Variants in FRMD4B observed in about 807,000 individuals in gnomAD.
FRMD4B encodes the protein FERM domain-containing protein 4B.
FRMD4B carries 74 observed loss-of-function variants against 141.5 expected under a neutral mutation model. The observed-to-expected ratio is 0.52, with a 90% confidence interval of 0.43 to 0.63. The LOEUF (loss-of-function observed/expected upper bound fraction) is 0.63. Ranked by LOEUF, FRMD4B falls within the 30% of genes least tolerant of loss-of-function variation. The pLI, the probability that FRMD4B is intolerant of heterozygous loss-of-function variation, is 0.00. For synonymous variants in FRMD4B, 506 were observed against 467.9 expected (o/e 1.08, Z -1.05); for missense variants, 1,366 against 1,253.4 (o/e 1.09, Z -1.36).
At chr3:69,411,667 T>G (rs886341223) in intron 2 of FRMD4B, among the ~76,000 whole-genome samples, 3 of 152,226 alleles carry the variant, frequency 2.0e-5, no homozygotes, top group Non-Finnish European at 2.9e-5. Context: ...AGGGAAACTT[T>G]TAAGAAGTTC....
intron 2 of FRMD4B, among the ~76,000 whole-genome samples, chr3:69,398,957 T>C (rs1210458513): frequency 1.3e-5 from 2 of 151,978 alleles, no homozygotes; most frequent in Non-Finnish European, 1.5e-5. Flanking sequence ...GGCAATACAA[T>C]GACAGCAAAA....
At chr3:69,393,456 T>C (rs909706873) in intron 2 of FRMD4B, among the ~76,000 whole-genome samples, 1 of 152,190 alleles carries the variant, frequency 6.6e-6, no homozygotes, top group African/African-American at 2.4e-5. Context: ...TGTCTAGATG[T>C]AAAAGCATCC....
intron 2 of FRMD4B, among the ~76,000 whole-genome samples, chr3:69,414,602 T>C (rs557925778): frequency 6.6e-6 from 1 of 151,852 alleles, no homozygotes; most frequent in Admixed American, 6.5e-5. Context: ...GTTGAATCAA[T>C]AGATGCTGTT....
chr3:69,338,525 C>T (rs1702631009), intron 1 of FRMD4B, among the ~76,000 whole-genome samples: 1 of 151,856 alleles, frequency 6.6e-6, no homozygotes, highest in Admixed American at 6.6e-5. Flanking sequence ...AGAAAATGTC[C>T]TTTGCAACAA....
At chr3:69,407,051 G>T (rs977541370) in intron 2 of FRMD4B, among the ~76,000 whole-genome samples, 1 of 151,758 alleles carries the variant, frequency 6.6e-6, no homozygotes, top group African/African-American at 2.4e-5. Flanking sequence ...CCTAATGTCA[G>T]GTTTTTAAGC....
intron 1 of FRMD4B, among the ~76,000 whole-genome samples, chr3:69,520,869 G>A (rs548027226): frequency 1.3e-5 from 2 of 152,266 alleles, no homozygotes; most frequent in South Asian, 4.1e-4. Context: ...CAGAATATTA[G>A]AAAGGCTTAT....
chr3:69,525,525 C>A (rs1199820441), intron 1 of FRMD4B, among the ~76,000 whole-genome samples: 1 of 152,220 alleles, frequency 6.6e-6, no homozygotes, highest in Non-Finnish European at 1.5e-5. Context: ...TGTATGTAGG[C>A]TTTGAGGATT....
rs1170675639 is a variant in FRMD4B at position 69,265,254 on chromosome 3, CAAAA to C, written c.502-15159_502-15156del. Among the ~76,000 whole-genome samples the C allele has an allele frequency of 4.8e-4, 4 of 8,416 alleles. 1 individual carries two copies. The highest frequency in any genetic ancestry group is 5.4e-4 in the African/African-American group (1 of 1,860). 5.5% of individuals were successfully genotyped at this position (8,416 alleles called of 152,430 possible). A position where few individuals can be genotyped will look rare whatever the true frequency, so the allele number is the denominator to read the frequency against. On this transcript the variant is annotated intron_variant, in intron 5 of 22. Coordinates refer to ENST00000398540, the MANE Select transcript of FRMD4B (RefSeq NM_015123.3). ...TGGGCAACACAGCGAGACTCCATCT[CAAAA>C]AAAAAAAAAAAATATATATATATAT...
intron 1 of FRMD4B, among the ~76,000 whole-genome samples, chr3:69,509,198 T>C (rs188128880): frequency 2.0e-5 from 3 of 152,276 alleles, no homozygotes; most frequent in East Asian, 1.9e-4. Context: ...ACACAGGTGA[T>C]GGTTTCAAGG....
At chr3:69,315,990 G>T (rs1701793230) in intron 1 of FRMD4B, among the ~76,000 whole-genome samples, 1 of 152,214 alleles carries the variant, frequency 6.6e-6, no homozygotes, top group Non-Finnish European at 1.5e-5. Flanking sequence ...GAGCGGCACA[G>T]TTACCTTCTG....
At position 69,321,268 on chromosome 3, in the gene FRMD4B, C is replaced by T. The variant is rs73105347; in HGVS notation, c.163-7751G>A. 0.01 allele frequency among the ~76,000 whole-genome samples: 1,580 copies of T among 152,252 alleles called. 119 individuals are homozygous for T. The East Asian group carries it at 0.2, about 19-fold the overall frequency. ...AACAGGAAATAGCTACAAAAAAAGA[C>T]CAAAATCGTAGCCTACTTCGGCTTT... On this transcript the variant is annotated intron_variant, in intron 1 of 22. Coordinates refer to ENST00000398540, the MANE Select transcript of FRMD4B (RefSeq NM_015123.3).
intron 2 of FRMD4B, among the ~76,000 whole-genome samples, chr3:69,413,055 T>C (rs1241874315): frequency 2.0e-5 from 3 of 152,016 alleles, no homozygotes; most frequent in African/African-American, 7.3e-5. Flanking sequence ...GTAATTCCAT[T>C]GTCTATGATA....
chr3:69,533,444 G>T (rs1206916036), intron 1 of FRMD4B, among the ~76,000 whole-genome samples: 1 of 152,200 alleles, frequency 6.6e-6, no homozygotes, highest in Non-Finnish European at 1.5e-5. Context: ...GTGGGTTATT[G>T]TGGGTCATTG....
chr3:69,412,418 A>C (rs1704775015), intron 2 of FRMD4B, among the ~76,000 whole-genome samples: 2 of 152,172 alleles, frequency 1.3e-5, no homozygotes, highest in South Asian at 4.1e-4. Flanking sequence ...ACTGATTGCT[A>C]TTCTTTTGAT....
chr3:69,514,976 G>T (rs1326124764), intron 1 of FRMD4B, among the ~76,000 whole-genome samples: 1 of 152,120 alleles, frequency 6.6e-6, no homozygotes, highest in Non-Finnish European at 1.5e-5. Flanking sequence ...TTATAAAACT[G>T]CAAGAATCAA....
chr3:69,250,925 C>A (rs1366503620), intron 5 of FRMD4B, among the ~76,000 whole-genome samples: 2 of 150,502 alleles, frequency 1.3e-5, no homozygotes, highest in African/African-American at 2.5e-5. Context: ...TCATCTCTAC[C>A]AAAAAAGAAA....
rs562843318 is a variant in FRMD4B at position 69,295,608 on chromosome 3, G to A, written c.416+6735C>T. Among the ~76,000 whole-genome samples the A allele has an allele frequency of 5.9e-5, 9 of 151,836 alleles. No homozygotes were observed. In the South Asian group the frequency reaches 1.9e-3, roughly 32 times the overall value. On this transcript the variant is annotated intron_variant, in intron 4 of 22. Transcript: ENST00000398540. Reference sequence around the variant, plus strand: ...TGCTGGGATTACAGGTGTGAGCCACGGTGGCTGGCCTGGGAGCATCATTGA... The same window carrying A: ...TGCTGGGATTACAGGTGTGAGCCACAGTGGCTGGCCTGGGAGCATCATTGA...
chr3:69,489,225 T>C (rs1177463845), intron 1 of FRMD4B, among the ~76,000 whole-genome samples: 1 of 151,086 alleles, frequency 6.6e-6, no homozygotes, highest in African/African-American at 2.4e-5. Flanking sequence ...GTAAAAAATA[T>C]GATAGACATT....
At chr3:69,188,105 C>A (rs960956666) in intron 18 of FRMD4B, among the ~76,000 whole-genome samples, 188 bp from the exon 19 acceptor site, 5 of 152,018 alleles carry the variant, frequency 3.3e-5, no homozygotes, top group African/African-American at 9.7e-5. Flanking sequence ...CCAGAAAAAA[C>A]GAAAATACTG....
Sources: allele counts gnomAD v4.1 joint callset (sites outside exome capture counted in the v4.1 genomes callset), GRCh38; gene constraint gnomAD v4.1.1; transcripts MANE v1.5; gene names NCBI Gene and HGNC (gene_info 2026-07-23, HGNC 2026-07-21).